The following LINGO2 variants were observed in gnomAD, a reference collection of about 807,000 sequenced individuals.
LINGO2 encodes leucine-rich repeat and immunoglobulin-like domain-containing nogo receptor-interacting protein 2.
Under a neutral mutation model 30.6 loss-of-function variants are expected in LINGO2, and 14 were observed. That is an observed-to-expected ratio of 0.46 (90% CI 0.30 to 0.72). LINGO2 has a LOEUF of 0.72. Ranked by LOEUF, LINGO2 falls within the 30% of genes least tolerant of loss-of-function variation. The pLI, the probability that LINGO2 is intolerant of heterozygous loss-of-function variation, is 0.07. For missense variants in LINGO2, 729 were observed against 751.7 expected, an observed-to-expected ratio of 0.97 and a Z score of 0.35; for synonymous variants, 317 against 288.5, an observed-to-expected ratio of 1.10 and a Z score of -1.00.
the LINGO2 span, among the ~76,000 whole-genome samples, chr9:29,196,532 T>C: frequency 6.6e-6 from 1 of 152,044 alleles, no homozygotes; most frequent in Admixed American, 6.6e-5. Context: ...ATGGTTAGCA[T>C]GATGGAAGAG....
chr9:28,646,540 G>C (rs16913471), intron 1 of LINGO2, among the ~76,000 whole-genome samples: 3,700 of 152,036 alleles, frequency 0.024, 152 homozygotes, highest in African/African-American at 0.082. Flanking sequence ...AACTAATTTT[G>C]ATACTAACAT....
the LINGO2 span, among the ~76,000 whole-genome samples, chr9:28,848,395 GTGTATATATATATATA>G: frequency 7.7e-5 from 3 of 38,802 alleles, no homozygotes; most frequent in African/African-American, 1.9e-4. Context: ...GTGTGTGTGT[GTGTATATATATATATA>G]TATATATATA....
chr9:28,622,399 GTTTGT>G (rs1431115884), intron 1 of LINGO2, among the ~76,000 whole-genome samples: 2 of 151,356 alleles, frequency 1.3e-5, no homozygotes, highest in Non-Finnish European at 3.0e-5. Context: ...TATTAAAATT[GTTTGT>G]TTTATTTTTT....
the LINGO2 span, among the ~76,000 whole-genome samples, chr9:29,057,593 TG>T: frequency 6.6e-6 from 1 of 152,084 alleles, no homozygotes; most frequent in Non-Finnish European, 1.5e-5. Flanking sequence ...AGACTGAGTT[TG>T]GGGCTACTAA....
intron 2 of LINGO2, among the ~76,000 whole-genome samples, chr9:28,459,690 T>C (rs1824997759): frequency 6.6e-6 from 1 of 151,856 alleles, no homozygotes; most frequent in African/African-American, 2.4e-5. Flanking sequence ...GGTCCATAGA[T>C]GGTACCAAGT....
At chr9:28,430,101 C>CGTGCGT (rs1554720059) in intron 2 of LINGO2, among the ~76,000 whole-genome samples, 42 of 77,040 alleles carry the variant, frequency 5.5e-4, no homozygotes, top group African/African-American at 6.5e-4. Flanking sequence ...TTTCCACGCG[C>CGTGCGT]GCGCGCGCGT....
the LINGO2 span, among the ~76,000 whole-genome samples, chr9:28,828,290 C>T: frequency 6.6e-6 from 1 of 151,614 alleles, no homozygotes; most frequent in Non-Finnish European, 1.5e-5. Context: ...GTTTTAAAAG[C>T]ACAAAATAAA....
At chr9:28,035,659 A>G (rs1036778431) in intron 4 of LINGO2, among the ~76,000 whole-genome samples, 11 of 152,336 alleles carry the variant, frequency 7.2e-5, no homozygotes, top group African/African-American at 2.6e-4. Flanking sequence ...CAGAGAAAAC[A>G]TTTTTAAAAT....
chr9:28,840,078 G>C, the LINGO2 span, among the ~76,000 whole-genome samples: 1 of 149,576 alleles, frequency 6.7e-6, no homozygotes, highest in Non-Finnish European at 1.5e-5. Context: ...AGCAGGTTCT[G>C]GGAGCAGGGA....
chr9:28,826,191 A>T, the LINGO2 span, among the ~76,000 whole-genome samples: 2 of 152,190 alleles, frequency 1.3e-5, no homozygotes, highest in East Asian at 3.9e-4. Context: ...AGTGTATATA[A>T]TCTCTGCCCA....
chr9:28,463,163 C>T (rs1224224308), intron 2 of LINGO2, among the ~76,000 whole-genome samples: 1 of 151,764 alleles, frequency 6.6e-6, no homozygotes, highest in Non-Finnish European at 1.5e-5. Context: ...ACAAGTTACC[C>T]TAGTCTTTGT....
chr9:28,137,468 G>T (rs1827551213), intron 4 of LINGO2, among the ~76,000 whole-genome samples: 1 of 152,108 alleles, frequency 6.6e-6, no homozygotes, highest in African/African-American at 2.4e-5. Flanking sequence ...AATCTGGCAA[G>T]CTAGTTTATT....
intron 4 of LINGO2, among the ~76,000 whole-genome samples, chr9:28,245,151 A>G (rs550565694): frequency 7.2e-5 from 11 of 152,364 alleles, no homozygotes; most frequent in South Asian, 2.1e-4. Context: ...CTGGTTCAAC[A>G]TAAGTGAATC....
chr9:28,168,145 G>C (rs1335751172), intron 4 of LINGO2, among the ~76,000 whole-genome samples: 1 of 152,198 alleles, frequency 6.6e-6, no homozygotes, highest in Non-Finnish European at 1.5e-5. Context: ...CAGTGGGTTT[G>C]AGCAGGGAGT....
chr9:27,967,345 T>TA (rs1215197731), intron 5 of LINGO2, among the ~76,000 whole-genome samples: 3 of 152,130 alleles, frequency 2.0e-5, no homozygotes, highest in Non-Finnish European at 2.9e-5. Flanking sequence ...AAGAGGATCA[T>TA]AATTATAAGG....
intron 4 of LINGO2, among the ~76,000 whole-genome samples, chr9:28,127,865 T>C (rs1290638309): frequency 1.3e-5 from 2 of 152,228 alleles, no homozygotes; most frequent in African/African-American, 4.8e-5. Context: ...AGTAGGGGCT[T>C]GCCACTTACA....
the LINGO2 span, among the ~76,000 whole-genome samples, chr9:28,978,398 T>C: frequency 6.6e-6 from 1 of 152,140 alleles, no homozygotes; most frequent in Non-Finnish European, 1.5e-5. Context: ...GTGCCTATGA[T>C]AGGGTATGTT....
intron 1 of LINGO2, among the ~76,000 whole-genome samples, chr9:28,632,680 A>AT (rs1384234309): frequency 0.048 from 6,099 of 127,902 alleles, 348 homozygotes; most frequent in Admixed American, 0.15. Context: ...ATATCTATAT[A>AT]AAAATATATT....
chr9:28,215,923 C>G (rs993904884), intron 4 of LINGO2, among the ~76,000 whole-genome samples: 2 of 151,862 alleles, frequency 1.3e-5, no homozygotes, highest in Non-Finnish European at 2.9e-5. Context: ...GAAGCAAACA[C>G]TGTGAGCTAT....
Sources: allele counts gnomAD v4.1 joint callset (sites outside exome capture counted in the v4.1 genomes callset), GRCh38; gene constraint gnomAD v4.1.1; transcripts MANE v1.5; gene names NCBI Gene and HGNC (gene_info 2026-07-23, HGNC 2026-07-21).